The following C1orf35 variants were observed in gnomAD, a reference collection of about 807,000 sequenced individuals.
C1orf35 encodes multiple myeloma tumor-associated protein 2.
A neutral mutation model predicts 30.9 loss-of-function variants in C1orf35; 36 were observed. That is an observed-to-expected ratio of 1.16 (90% CI 0.89 to 1.54). The LOEUF (loss-of-function observed/expected upper bound fraction) is 1.54. C1orf35 is among the 40% of genes most tolerant of loss of function. The pLI, the probability that C1orf35 is intolerant of heterozygous loss-of-function variation, is 0.00. For synonymous variants in C1orf35, 179 were observed against 148.2 expected (o/e 1.21, Z -1.51); for missense variants, 396 against 358.7 (o/e 1.10, Z -0.84).
chr1:228,101,445 C>A lies in C1orf35; in HGVS notation c.562G>T (p.Glu188Ter). Residue 188 changes from glutamate to a stop codon, truncating the protein, a stop_gained, in exon 7 of 8, where the codon GAG (glutamate) becomes TAG (stop). Transcript: ENST00000272139. LOFTEE classifies it high-confidence loss of function. ...SCESHRKSKK[E>*]KKKKKKRKHK... ...TTCCTCTTTTTCTTTTTCTTCTTCT[C>A]CTTCTTGCTTTTCCTGTGGCTCTCA... is the stretch of plus-strand genomic sequence containing the variant. 1 of 1,612,848 alleles carries A rather than the reference C, an allele frequency of 6.2e-7. No homozygotes were observed.
rs187255808 is a variant in C1orf35 at position 228,101,108 on chromosome 1, C to G, written c.*23G>C. The G allele has an allele frequency of 1.2e-6, 2 of 1,610,804 alleles. No individual in the cohort carries two copies. Among genetic ancestry groups the G allele is most frequent in the Non-Finnish European group, 1.7e-6 (2 of 1,179,984 alleles). On this transcript the variant is annotated 3_prime_UTR_variant, in exon 8 of 8. Transcript: ENST00000272139. ...GAAGGGAGGGTTCAGGGTCCCACAACAGCAGTGAGCAGGGTCCAGCCATCA... is the reference window on the plus strand; with the variant it reads ...GAAGGGAGGGTTCAGGGTCCCACAAGAGCAGTGAGCAGGGTCCAGCCATCA...
intron 4 of C1orf35, 42 bp downstream of exon 4, chr1:228,102,436 A>C: frequency 6.3e-7 from 1 of 1,579,314 alleles, no homozygotes; most frequent in Non-Finnish European, 8.6e-7. Flanking sequence ...TCACCCGAGC[A>C]ATCGAGCCCA....
At position 228,102,670 on chromosome 1, in the gene C1orf35, C is replaced by A; in HGVS notation, c.264G>T (p.Lys88Asn). ...CCTTGCTCAGGCCCGTGGGCTGCTTCTTCACGTTCTTGTAGCCACTGCGAG... is the reference window on the plus strand; with the variant it reads ...CCTTGCTCAGGCCCGTGGGCTGCTTATTCACGTTCTTGTAGCCACTGCGAG... ...LLAALGYKNV[K>N]KQPTGLSKED... Residue 88 changes from lysine to asparagine, a missense_variant, in exon 3 of 8, where the codon AAG becomes AAT. By Grantham distance (94) the Lys-to-Asn change is moderately conservative. Coordinates refer to ENST00000272139, the MANE Select transcript of C1orf35 (RefSeq NM_024319.4). 6.2e-7 allele frequency: 1 copy of A among 1,609,068 alleles called. No individual in the cohort carries two copies. The highest frequency in any genetic ancestry group is 8.5e-7 in the Non-Finnish European group (1 of 1,178,724).
Position 228,101,146 on chromosome 1 carries a change from T to C in C1orf35, c.777A>G (p.Arg259=). The C allele has an allele frequency of 6.2e-7, 1 of 1,613,698 alleles. No homozygotes were observed. Among genetic ancestry groups the C allele is most frequent in the Middle Eastern group, 1.7e-4 (1 of 5,812 alleles). Residue 259 remains arginine (R), a synonymous_variant, in exon 8 of 8, where the codon AGA becomes AGG. Coordinates refer to ENST00000272139, the MANE Select transcript of C1orf35 (RefSeq NM_024319.4). ...GGTCCAGCCATCAGGCCTCAGAGCC[T>C]CTGTCATGCCACCTGCGAGACGGGC... ...RRSPSRRWHD[R]GSEA is the part of the protein sequence containing the mutation.
At chr1:228,101,527 G>C in intron 6 of C1orf35, 54 bp from the exon 7 acceptor site, 1 of 1,601,156 alleles carries the variant, frequency 6.2e-7, no homozygotes, top group Non-Finnish European at 8.5e-7. Flanking sequence ...AGCCAAGAGA[G>C]TGAACACAAG....
Position 228,102,912 on chromosome 1 carries a change from G to C in C1orf35, c.232C>G (p.Leu78Val). The C allele has an allele frequency of 6.7e-7, 1 of 1,484,464 alleles. No homozygotes were observed. The highest frequency in any genetic ancestry group is 1.3e-5 in the South Asian group (1 of 78,090). 92.0% of individuals were successfully genotyped at this position (1,484,464 alleles called of 1,614,324 possible). A position where few individuals can be genotyped will look rare whatever the true frequency, so the allele number is the denominator to read the frequency against. ...AAVREAEREA[L>V]LAALGYKNVK... ...GCGGACACTCACAGGGCGGCCAGCA[G>C]CGCCTCGCGCTCCGCCTCCCGCACG... Residue 78 changes from leucine to valine, a missense_variant, in exon 2 of 8, where the codon CTG (leucine) becomes GTG (valine). Coordinates refer to ENST00000272139, the MANE Select transcript of C1orf35 (RefSeq NM_024319.4).
chr1:228,101,621 C>T (rs2032948584), intron 6 of C1orf35, 148 bp from the exon 7 acceptor site: 4 of 1,492,444 alleles, frequency 2.7e-6, no homozygotes, highest in Admixed American at 2.2e-5. Flanking sequence ...TCCTCAGTTA[C>T]GTAGTCACGT....
In C1orf35 at chr1:228,103,125, C is replaced by G; in HGVS notation, c.94+9G>C. On this transcript the variant is annotated intron_variant, in intron 1 of 7. Transcript: ENST00000272139. The stretch of plus-strand genomic sequence containing the variant: ...CGGAGCCCGGAGCCCGCCCACCGCG[C>G]GCACCCACCCAGGTAGTTCTCCCGC... 1 of 1,609,912 alleles carries G rather than the reference C, an allele frequency of 6.2e-7. No homozygotes were observed. The highest frequency in any genetic ancestry group is 8.5e-7 in the Non-Finnish European group (1 of 1,178,782).
rs2033027006 is a variant in C1orf35 at position 228,103,282 on chromosome 1, C to A, written c.-55G>T. 3 of 1,583,512 alleles carry A rather than the reference C, an allele frequency of 1.9e-6. No homozygotes were observed. On this transcript the variant is annotated 5_prime_UTR_variant, in exon 1 of 8. Coordinates refer to ENST00000272139, the MANE Select transcript of C1orf35 (RefSeq NM_024319.4). ...GCGGCTTGCAACCTGCAACCCGCAA[C>A]CCGAGACCCGCTACCCACTACCGTC... is the stretch of plus-strand genomic sequence containing the variant.
Position 228,100,938 on chromosome 1 carries a change from TG to T in C1orf35, c.*192del. The T allele has an allele frequency of 2.5e-6, 2 of 813,316 alleles. No homozygotes were observed. The highest frequency in any genetic ancestry group is 2.7e-5 in the East Asian group (1 of 37,226). The allele number at this position is 813,316 out of a possible 1,614,324, so 50.4% of individuals were successfully genotyped here. Reference sequence around the variant, plus strand: ...GGGGCCATCCCTGGTATGCGAAACCTGGAGGTTTTCCAGGAAGCCGGCTGCT... The same window carrying T: ...GGGGCCATCCCTGGTATGCGAAACCTGAGGTTTTCCAGGAAGCCGGCTGCT... On this transcript the variant is annotated 3_prime_UTR_variant, in exon 8 of 8. Transcript: ENST00000272139.
Position 228,101,101 on chromosome 1 carries a change from C to T in C1orf35, c.*30G>A, listed in dbSNP as rs747764343. Reference sequence around the variant, plus strand: ...GCAAGGTGAAGGGAGGGTTCAGGGTCCCACAACAGCAGTGAGCAGGGTCCA... The same window carrying T: ...GCAAGGTGAAGGGAGGGTTCAGGGTTCCACAACAGCAGTGAGCAGGGTCCA... On this transcript the variant is annotated 3_prime_UTR_variant, in exon 8 of 8. Transcript: ENST00000272139. 5.6e-6 allele frequency: 9 copies of T among 1,609,610 alleles called. No individual in the cohort carries two copies. The East Asian group carries it at 8.9e-5, about 16-fold the overall frequency.
At chr1:228,102,726 C>A in intron 2 of C1orf35, 38 bp from the exon 3 acceptor site, 1 of 1,588,250 alleles carries the variant, frequency 6.3e-7, no homozygotes. Flanking sequence ...GACGGACGGA[C>A]CTCCTCCCAC....
intron 2 of C1orf35, 104 bp from the exon 3 acceptor site, chr1:228,102,792 C>G: frequency 7.0e-7 from 1 of 1,437,868 alleles, no homozygotes; most frequent in Non-Finnish European, 9.1e-7. Context: ...CGCGAGTCCC[C>G]GCAGCCCCGC....
intron 4 of C1orf35, 38 bp downstream of exon 4, chr1:228,102,440 G>A (rs753584462): frequency 8.2e-6 from 13 of 1,576,394 alleles, no homozygotes; most frequent in South Asian, 2.3e-5. Context: ...CCGAGCAATC[G>A]AGCCCAGTGC....
chr1:228,101,669 C>T, intron 6 of C1orf35, 196 bp from the exon 7 acceptor site: 1 of 1,442,098 alleles, frequency 6.9e-7, no homozygotes, highest in East Asian at 2.4e-5. Flanking sequence ...GATGCAATAT[C>T]CCCATCTCCA....
At position 228,103,189 on chromosome 1, in the gene C1orf35, C is replaced by G. The variant is rs1490764731; in HGVS notation, c.39G>C (p.Gln13His). Residue 13 changes from glutamine to histidine, a missense_variant, in exon 1 of 8, where the codon CAG (glutamine) becomes CAC (histidine). By Grantham distance (24) the Gln-to-His change is conservative (BLOSUM62 0). Transcript: ENST00000272139. Reference protein sequence around the residue: ...GSSRGGVRGGQDQFNWEDVKT... With the variant: ...GSSRGGVRGGHDQFNWEDVKT... ...TCACGTCCTCCCAGTTGAACTGGTC[C>G]TGCCCGCCGCGCACGCCTCCACGAC... is the stretch of plus-strand genomic sequence containing the variant. 6.2e-7 allele frequency: 1 copy of G among 1,611,900 alleles called. No homozygotes were observed. The highest frequency in any genetic ancestry group is 2.2e-5 in the East Asian group (1 of 44,810).
At chr1:228,102,803 T>TCCCCCCCCCCCCCC in intron 2 of C1orf35, 96 bp downstream of exon 2, 2 of 1,187,488 alleles carry the variant, frequency 1.7e-6, no homozygotes, top group Non-Finnish European at 1.1e-6. Flanking sequence ...GCAGCCCCGC[T>TCCCCCCCCCCCCCC]CCCGCCCAGC....
chr1:228,102,397 C>T lies in C1orf35; in HGVS notation c.375-15G>A. On this transcript the variant is annotated splice_polypyrimidine_tract_variant and intron_variant, in intron 4 of 7. Transcript: ENST00000272139. ...CCACGGAGCCACTGCAGGGACATGG[C>T]GATGAAGACAGTACGGCAGGGGTCC... 6.2e-7 allele frequency: 1 copy of T among 1,608,206 alleles called. No individual in the cohort carries two copies. Among genetic ancestry groups the T allele is most frequent in the Non-Finnish European group, 8.5e-7 (1 of 1,178,836 alleles).
intron 2 of C1orf35, 61 bp from the exon 3 acceptor site, chr1:228,102,749 C>A (rs1280659571): frequency 4.5e-6 from 7 of 1,547,340 alleles, no homozygotes; most frequent in Non-Finnish European, 6.1e-6. Flanking sequence ...CAGGTCCTCA[C>A]CACTCCAGCC....
Sources: allele counts gnomAD v4.1 joint callset, GRCh38; gene constraint gnomAD v4.1.1; transcripts MANE v1.5; gene names NCBI Gene and HGNC (gene_info 2026-07-23, HGNC 2026-07-21).